Variants in BICC1 observed in about 807,000 individuals in gnomAD.
BICC1 encodes the protein BicC family RNA binding protein 1.
Under a neutral mutation model 111.0 loss-of-function variants are expected in BICC1, and 43 were observed. The ratio of observed to expected loss-of-function variants is 0.39; its 90% confidence interval spans 0.30 to 0.50. BICC1 has a LOEUF of 0.50. Among genes scored for constraint, BICC1 ranks in the 20% least tolerant of loss-of-function variants. The probability of loss-of-function intolerance (pLI) is 0.88; values close to 1 mark genes in which losing one functional copy is unlikely to be tolerated. For missense variants in BICC1, 1,091 were observed against 1,203.2 expected (o/e 0.91, Z 1.38); for synonymous variants, 467 against 434.4 (o/e 1.07, Z -0.93).
intron 2 of BICC1, among the ~76,000 whole-genome samples, chr10:58,636,635 CT>C (rs1160793103): frequency 6.6e-6 from 1 of 152,098 alleles, no homozygotes; most frequent in East Asian, 1.9e-4. Flanking sequence ...TCATGCCAGG[CT>C]GTCATTTTGA....
At chr10:58,709,856 G>C (rs944624115) in intron 3 of BICC1, among the ~76,000 whole-genome samples, 1 of 152,188 alleles carries the variant, frequency 6.6e-6, no homozygotes, top group African/African-American at 2.4e-5. Flanking sequence ...TAGGGACAAT[G>C]ACCTGATCAT....
intron 2 of BICC1, among the ~76,000 whole-genome samples, chr10:58,639,564 ATTG>A (rs369364249): frequency 0.014 from 780 of 56,442 alleles, 2 homozygotes; most frequent in Admixed American, 0.029. Context: ...CACCCAGCTA[ATTG>A]TTTTTTTTTT....
At chr10:58,528,498 C>T (rs182086818) in intron 1 of BICC1, among the ~76,000 whole-genome samples, 7 of 151,962 alleles carry the variant, frequency 4.6e-5, no homozygotes, top group Admixed American at 2.6e-4. Context: ...AATAATATAT[C>T]TCTAGATACT....
chr10:58,825,910 G>T (rs1365469132), intron 20 of BICC1, among the ~76,000 whole-genome samples: 1 of 151,840 alleles, frequency 6.6e-6, no homozygotes, highest in Non-Finnish European at 1.5e-5. Flanking sequence ...TGAATTGCTT[G>T]ATATGTACCA....
intron 10 of BICC1, among the ~76,000 whole-genome samples, chr10:58,797,599 T>G (rs1411574175): frequency 1.3e-5 from 2 of 152,172 alleles, no homozygotes; most frequent in Non-Finnish European, 2.9e-5. Context: ...GGAACCTAGT[T>G]CATCCTGCAC....
At chr10:58,695,135 G>C (rs1419974991) in intron 2 of BICC1, among the ~76,000 whole-genome samples, 3 of 152,204 alleles carry the variant, frequency 2.0e-5, no homozygotes, top group African/African-American at 7.2e-5. Context: ...TTCTGATGAT[G>C]ATGAATAACT....
intron 1 of BICC1, among the ~76,000 whole-genome samples, chr10:58,576,815 G>A (rs1357077268): frequency 6.6e-6 from 1 of 152,168 alleles, no homozygotes; most frequent in Non-Finnish European, 1.5e-5. Flanking sequence ...TGGCTCACTT[G>A]CTTGAGGGGG....
intron 1 of BICC1, among the ~76,000 whole-genome samples, chr10:58,595,576 CA>C (rs1844785260): frequency 6.6e-6 from 1 of 152,198 alleles, no homozygotes; most frequent in Non-Finnish European, 1.5e-5. Flanking sequence ...CAAAACCACA[CA>C]ACTACATGGA....
intron 2 of BICC1, among the ~76,000 whole-genome samples, chr10:58,636,073 A>G (rs536614841): frequency 6.6e-6 from 1 of 152,322 alleles, no homozygotes; most frequent in African/African-American, 2.4e-5. Flanking sequence ...TGAGACACTC[A>G]AATGTTTTGG....
intron 3 of BICC1, among the ~76,000 whole-genome samples, chr10:58,776,325 A>C (rs927920278): frequency 2.6e-5 from 4 of 152,238 alleles, no homozygotes; most frequent in Admixed American, 2.6e-4. Context: ...GTAAAAAGGA[A>C]CAATCTGCCC....
At chr10:58,794,963 T>G (rs1347932699) in intron 9 of BICC1, among the ~76,000 whole-genome samples, 1 of 152,194 alleles carries the variant, frequency 6.6e-6, no homozygotes, top group Non-Finnish European at 1.5e-5. Flanking sequence ...CATCGTAGTA[T>G]GTAGTCAATG....
chr10:58,780,906 C>T (rs1842866611), intron 3 of BICC1, among the ~76,000 whole-genome samples: 1 of 151,982 alleles, frequency 6.6e-6, no homozygotes, highest in African/African-American at 2.4e-5. Context: ...ACAATTGTTG[C>T]CTTGTTAAGT....
chr10:58,592,278 C>G (rs1002857811), intron 1 of BICC1, among the ~76,000 whole-genome samples: 3 of 152,120 alleles, frequency 2.0e-5, no homozygotes, highest in African/African-American at 7.2e-5. Context: ...TTGTCATTGC[C>G]CATTTTTTCT....
intron 1 of BICC1, among the ~76,000 whole-genome samples, chr10:58,544,589 G>A (rs538760647): frequency 3.9e-5 from 6 of 151,986 alleles, no homozygotes; most frequent in African/African-American, 1.4e-4. Context: ...GAAAGAAATA[G>A]AAAAAAGTTT....
Position 58,561,897 on chromosome 10 carries a change from C to T in BICC1, c.190+48564C>T, listed in dbSNP as rs568363501. On this transcript the variant is annotated intron_variant, in intron 1 of 20. Coordinates refer to ENST00000373886, the MANE Select transcript of BICC1 (RefSeq NM_001080512.3). ...TTCTGAAGAATATTTTTGCTGGGTA[C>T]AGTATTCTTTGCTGGCAGTTTTCTT... is the stretch of plus-strand genomic sequence containing the variant. 7.2e-5 allele frequency among the ~76,000 whole-genome samples: 11 copies of T among 152,176 alleles called. No homozygotes were observed. In the South Asian group the frequency reaches 8.3e-4, roughly 11 times the overall value.
At chr10:58,597,549 C>T (rs1417839173) in intron 1 of BICC1, among the ~76,000 whole-genome samples, 2 of 152,066 alleles carry the variant, frequency 1.3e-5, no homozygotes, top group Non-Finnish European at 2.9e-5. Flanking sequence ...AGCAGAGAAC[C>T]AGTGTGACCA....
chr10:58,803,289 G>T, intron 15 of BICC1, 47 bp downstream of exon 15: 1 of 1,522,604 alleles, frequency 6.6e-7, no homozygotes, highest in South Asian at 1.3e-5. Context: ...ATATGTTTGG[G>T]TTCTGGTATG....
chr10:58,544,267 AAAAT>A lies in BICC1; in HGVS notation c.190+30940_190+30943del, dbSNP rs559795696. On this transcript the variant is annotated intron_variant, in intron 1 of 20. Coordinates refer to ENST00000373886, the MANE Select transcript of BICC1 (RefSeq NM_001080512.3). ...TGTGCTGAATAGACATTTCCTTTAA[AAAAT>A]AAATATACAAAATGGATTTGTGTGA... Among the ~76,000 whole-genome samples, 280 of 152,334 alleles carry A rather than the reference AAAAT, an allele frequency of 1.8e-3. 1 individual carries two copies. Among genetic ancestry groups the A allele is most frequent in the Non-Finnish European group, 1.9e-3 (131 of 68,024 alleles).
intron 1 of BICC1, among the ~76,000 whole-genome samples, chr10:58,522,574 A>T (rs1842420540): frequency 6.6e-6 from 1 of 152,184 alleles, no homozygotes; most frequent in Non-Finnish European, 1.5e-5. Flanking sequence ...AGGGAAATTT[A>T]TAGGACTAAA....
Sources: gnomAD v4.1 joint callset for allele counts (sites outside exome capture counted in the v4.1 genomes callset) on GRCh38, gnomAD v4.1.1 for gene constraint, MANE v1.5 for transcripts, NCBI Gene and HGNC (gene_info 2026-07-23, HGNC 2026-07-21) for gene names.